The following DLG1 variants were observed in gnomAD, a reference collection of about 807,000 sequenced individuals.
The protein encoded by DLG1 is discs large MAGUK scaffold protein 1.
DLG1 carries 42 observed loss-of-function variants against 123.4 expected under a neutral mutation model. The ratio of observed to expected loss-of-function variants is 0.34; its 90% CI spans 0.27 to 0.44. DLG1 has a LOEUF of 0.44. DLG1 is among the 20% of genes least tolerant of loss of function. The pLI, the probability that DLG1 is intolerant of heterozygous loss-of-function variation, is 1.00. For synonymous variants in DLG1, 317 were observed against 356.2 expected (o/e 0.89, Z 1.24); for missense variants, 942 against 1,082.6 (o/e 0.87, Z 1.82).
chr3:197,249,557 A>C (rs985401640), intron 4 of DLG1, among the ~76,000 whole-genome samples: 10 of 152,192 alleles, frequency 6.6e-5, no homozygotes, highest in Admixed American at 3.3e-4. Context: ...TTTGGAATTC[A>C]TTCTACAAGG....
At chr3:197,297,026 C>A in intron 2 of DLG1, 160 bp downstream of exon 2, 1 of 756,652 alleles carries the variant, frequency 1.3e-6, no homozygotes, top group South Asian at 1.8e-5. Context: ...TTCGTGTTTC[C>A]ATCTTCTGAA....
chr3:197,144,455 T>G (rs762500045), intron 6 of DLG1, among the ~76,000 whole-genome samples: 1 of 152,132 alleles, frequency 6.6e-6, no homozygotes, highest in South Asian at 2.1e-4. Context: ...CCTTGTCAAG[T>G]GCCCTAACCC....
intron 11 of DLG1, among the ~76,000 whole-genome samples, chr3:197,121,688 C>T (rs528994723): frequency 1.3e-5 from 2 of 151,722 alleles, no homozygotes; most frequent in East Asian, 3.9e-4. Context: ...TATGATCTTC[C>T]CTATTTCTTT....
At chr3:197,163,250 T>C (rs1467780155) in intron 5 of DLG1, among the ~76,000 whole-genome samples, 1 of 152,186 alleles carries the variant, frequency 6.6e-6, no homozygotes, top group Non-Finnish European at 1.5e-5. Flanking sequence ...TCTGGTACAA[T>C]GCTGGTGGGA....
chr3:197,295,479 AAAC>A (rs2151289996), intron 3 of DLG1, among the ~76,000 whole-genome samples: 1 of 140,340 alleles, frequency 7.1e-6, no homozygotes, highest in East Asian at 3.8e-4. Context: ...TTGATAACTA[AAAC>A]AAAAAAAAAA....
intron 24 of DLG1, among the ~76,000 whole-genome samples, chr3:197,047,268 T>A (rs1365317813): frequency 3.3e-5 from 5 of 152,188 alleles, no homozygotes; most frequent in Non-Finnish European, 7.3e-5. Flanking sequence ...TAAAGGGACA[T>A]CTACCTGAAA....
intron 5 of DLG1, among the ~76,000 whole-genome samples, chr3:197,181,015 A>C (rs2150130780): frequency 6.6e-6 from 1 of 152,344 alleles, no homozygotes; most frequent in East Asian, 1.9e-4. Flanking sequence ...CATTCAAAAA[A>C]CATTAATGAC....
intron 23 of DLG1, among the ~76,000 whole-genome samples, chr3:197,058,279 CTTCT>C (rs1460217927): frequency 2.0e-5 from 3 of 152,186 alleles, no homozygotes; most frequent in African/African-American, 7.2e-5. Context: ...TGTGCCCCGC[CTTCT>C]TTTTCAGTTT....
chr3:197,114,206 T>C (rs1266403132), intron 13 of DLG1, among the ~76,000 whole-genome samples: 43 of 152,108 alleles, frequency 2.8e-4, no homozygotes, highest in Admixed American at 2.8e-3. Context: ...AGAGAAGTTT[T>C]TAGAATTGAT....
intron 18 of DLG1, chr3:197,075,755 C>T (rs1746824974): frequency 7.8e-7 from 1 of 1,277,110 alleles, no homozygotes; most frequent in South Asian, 1.3e-5. Flanking sequence ...AAGGCACTAC[C>T]ATGAATCTCA....
At chr3:197,113,594 C>T (rs1771334991) in intron 13 of DLG1, among the ~76,000 whole-genome samples, 1 of 151,856 alleles carries the variant, frequency 6.6e-6, no homozygotes, top group Admixed American at 6.6e-5. Context: ...CATAGTGTAC[C>T]TTTTTTCACT....
At chr3:197,299,235 A>T (rs990246175), upstream of DLG1, 1 of 152,194 alleles carries the variant, frequency 6.6e-6, no homozygotes, top group Non-Finnish European at 1.5e-5. Flanking sequence ...CGGGGTGACG[A>T]GGACCTCCCT....
At chr3:197,273,842 T>TTAAAAAA (rs1470365400) in intron 4 of DLG1, among the ~76,000 whole-genome samples, 11 of 14,130 alleles carry the variant, frequency 7.8e-4, no homozygotes, top group Non-Finnish European at 1.5e-4. Flanking sequence ...ACATTTATAA[T>TTAAAAAA]AGCTACCAAA....
intron 4 of DLG1, among the ~76,000 whole-genome samples, chr3:197,241,642 T>C (rs1748926950): frequency 6.6e-6 from 1 of 152,096 alleles, no homozygotes; most frequent in Admixed American, 6.6e-5. Flanking sequence ...GCAGATAATA[T>C]AAAAATAGAT....
intron 3 of DLG1, among the ~76,000 whole-genome samples, chr3:197,288,434 G>A (rs980426037): frequency 6.1e-5 from 9 of 148,274 alleles, no homozygotes; most frequent in Admixed American, 1.3e-4. Context: ...AAAATGGTAC[G>A]AATCTGGCCA....
chr3:197,189,497 T>A (rs1208960942), intron 5 of DLG1, among the ~76,000 whole-genome samples: 2 of 152,180 alleles, frequency 1.3e-5, no homozygotes, highest in African/African-American at 4.8e-5. Context: ...AATCCTTATC[T>A]ACTCAGTTTG....
At chr3:197,109,381 A>T (rs183219584) in intron 13 of DLG1, among the ~76,000 whole-genome samples, 48 of 152,360 alleles carry the variant, frequency 3.2e-4, no homozygotes, top group African/African-American at 1.1e-3. Context: ...ATAAATAAGT[A>T]AACAAACAAA....
intron 5 of DLG1, among the ~76,000 whole-genome samples, chr3:197,170,438 T>A (rs1381617855): frequency 2.6e-5 from 4 of 152,192 alleles, no homozygotes; most frequent in Non-Finnish European, 5.9e-5. Flanking sequence ...TGATTTTTTT[T>A]AAAGTAGCCA....
At chr3:197,088,191 C>T (rs1283922517) in intron 15 of DLG1, among the ~76,000 whole-genome samples, 1 of 151,442 alleles carries the variant, frequency 6.6e-6, no homozygotes, top group Non-Finnish European at 1.5e-5. Flanking sequence ...GAGTGGAAAA[C>T]AATGAAAGGA....
Sources: allele counts gnomAD v4.1 joint callset (sites outside exome capture counted in the v4.1 genomes callset), GRCh38; gene constraint gnomAD v4.1.1; transcripts MANE v1.5; gene names NCBI Gene and HGNC (gene_info 2026-07-23, HGNC 2026-07-21).